AAMDC: variants seen among roughly 807,000 people sequenced by gnomAD.
AAMDC encodes the protein adipogenesis associated Mth938 domain containing.
Under a neutral mutation model 15.5 loss-of-function variants are expected in AAMDC, and 16 were observed. The ratio of observed to expected loss-of-function variants is 1.03; its 90% CI spans 0.70 to 1.57. AAMDC has a LOEUF of 1.57. Among genes scored for constraint, AAMDC ranks in the 40% most tolerant of loss-of-function variants. The pLI is 0.00. For synonymous variants in AAMDC, 51 were observed against 51.6 expected (o/e 0.99, Z 0.05); for missense variants, 141 against 144.9 (o/e 0.97, Z 0.14).
At chr11:77,904,319 ATAATTT>A (rs1439538000), downstream of AAMDC, among the ~76,000 whole-genome samples, 1 of 152,258 alleles carries the variant, frequency 6.6e-6, no homozygotes, top group East Asian at 1.9e-4. Flanking sequence ...TGAGCTATAT[ATAATTT>A]TAAATATTCT....
chr11:77,884,201 G>A (rs1324152255), intron 5 of AAMDC, among the ~76,000 whole-genome samples: 5 of 152,006 alleles, frequency 3.3e-5, no homozygotes, highest in Admixed American at 6.6e-5. Context: ...TCTATTAAGC[G>A]CAAAGACAGG....
chr11:77,823,483 CA>C (rs1182566012), intron 1 of AAMDC, among the ~76,000 whole-genome samples: 1 of 151,534 alleles, frequency 6.6e-6, no homozygotes, highest in African/African-American at 2.4e-5. Context: ...GTAATCCAAG[CA>C]CTCTGGGAGG....
chr11:77,893,851 C>A (rs900058805), intron 5 of AAMDC, among the ~76,000 whole-genome samples: 6 of 151,334 alleles, frequency 4.0e-5, no homozygotes, highest in Admixed American at 1.3e-4. Context: ...CAAGACTGCA[C>A]CACTGTACTC....
intron 5 of AAMDC, among the ~76,000 whole-genome samples, chr11:77,878,089 G>A (rs564625047): frequency 1.1e-4 from 16 of 152,246 alleles, no homozygotes; most frequent in Middle Eastern, 6.8e-3. Flanking sequence ...AAAGCAAGGC[G>A]CGGTTGCTCA....
intron 2 of AAMDC, chr11:77,868,988 G>A: frequency 3.2e-6 from 1 of 307,764 alleles, no homozygotes; most frequent in Non-Finnish European, 6.2e-6. Context: ...ACAGCACGTT[G>A]GGTAATACCG....
chr11:77,888,280 A>G (rs1405262219), intron 5 of AAMDC, among the ~76,000 whole-genome samples: 1 of 152,216 alleles, frequency 6.6e-6, no homozygotes, highest in African/African-American at 2.4e-5. Context: ...CATATCTACA[A>G]CCATCTGATC....
chr11:77,822,048 A>G (rs1041486153), intron 1 of AAMDC, among the ~76,000 whole-genome samples: 3 of 152,220 alleles, frequency 2.0e-5, no homozygotes, highest in African/African-American at 2.4e-5. Flanking sequence ...AGGAGTTCCT[A>G]TAATTTAGAC....
chr11:77,822,037 AAG>A (rs1182760516), intron 1 of AAMDC, among the ~76,000 whole-genome samples: 1 of 152,130 alleles, frequency 6.6e-6, no homozygotes, highest in Non-Finnish European at 1.5e-5. Context: ...GTTATCAAAA[AAG>A]GAGTTCCTAT....
chr11:77,833,009 A>ATTTTTTTT (rs781247642), intron 1 of AAMDC, among the ~76,000 whole-genome samples: 1 of 60,036 alleles, frequency 1.7e-5, no homozygotes. Flanking sequence ...ATATATATAT[A>ATTTTTTTT]TTTTTTTTTT....
chr11:77,856,885 C>A (rs931470856), intron 2 of AAMDC, among the ~76,000 whole-genome samples: 1 of 152,182 alleles, frequency 6.6e-6, no homozygotes, highest in African/African-American at 2.4e-5. Context: ...ATATTTCATT[C>A]TTTACTGAAG....
chr11:77,825,141 C>T (rs1396034788), intron 1 of AAMDC, among the ~76,000 whole-genome samples: 1 of 151,930 alleles, frequency 6.6e-6, no homozygotes, highest in African/African-American at 2.4e-5. Flanking sequence ...CCACCATGCC[C>T]GGCTAATTTT....
At chr11:77,857,727 CGCTCTGT>C (rs1414170193) in intron 2 of AAMDC, among the ~76,000 whole-genome samples, 5 of 147,972 alleles carry the variant, frequency 3.4e-5, no homozygotes, top group Non-Finnish European at 5.9e-5. Flanking sequence ...GATGGAGTCT[CGCTCTGT>C]CACCCAGGCT....
At chr11:77,831,034 C>G (rs1949401306) in intron 1 of AAMDC, among the ~76,000 whole-genome samples, 1 of 150,566 alleles carries the variant, frequency 6.6e-6, no homozygotes, top group African/African-American at 2.4e-5. Context: ...TGGCATGCAC[C>G]TGTAGTCCCA....
At chr11:77,866,770 A>G (rs1459570522) in intron 2 of AAMDC, 2 of 152,142 alleles carry the variant, frequency 1.3e-5, no homozygotes, top group African/African-American at 4.8e-5. Flanking sequence ...GCACATGTAA[A>G]TATGTAAGAC....
chr11:77,833,327 A>G (rs1230170710), intron 1 of AAMDC, among the ~76,000 whole-genome samples: 1 of 152,176 alleles, frequency 6.6e-6, no homozygotes, highest in Non-Finnish European at 1.5e-5. Flanking sequence ...TCCTACAACT[A>G]GATGGTTCCA....
chr11:77,851,646 A>G (rs985072335), intron 2 of AAMDC: 2 of 152,048 alleles, frequency 1.3e-5, no homozygotes, highest in Non-Finnish European at 2.9e-5. Context: ...TGAGTTGTCA[A>G]GAGATCTGGT....
At chr11:77,883,988 G>T in intron 5 of AAMDC, 1 of 1,601,466 alleles carries the variant, frequency 6.2e-7, no homozygotes, top group Non-Finnish European at 8.5e-7. Context: ...AGGCAGAAGC[G>T]AGAGGAGCAT....
intron 2 of AAMDC, among the ~76,000 whole-genome samples, chr11:77,849,646 T>G (rs1159447472): frequency 2.6e-5 from 4 of 151,414 alleles, no homozygotes; most frequent in African/African-American, 9.7e-5. Context: ...TTTTTGTGTG[T>G]TTTTTTTTAA....
At chr11:77,836,766 G>A (rs1469702045) in intron 1 of AAMDC, among the ~76,000 whole-genome samples, 1 of 152,190 alleles carries the variant, frequency 6.6e-6, no homozygotes, top group Non-Finnish European at 1.5e-5. Context: ...GGGAGTTCGA[G>A]ACCAGCCTGA....
Sources: gnomAD v4.1 joint callset for allele counts (sites outside exome capture counted in the v4.1 genomes callset) on GRCh38, gnomAD v4.1.1 for gene constraint, MANE v1.5 for transcripts, NCBI Gene and HGNC (gene_info 2026-07-23, HGNC 2026-07-21) for gene names.